SORBS2: variants seen among roughly 807,000 people sequenced by gnomAD.
The protein encoded by SORBS2 is sorbin and SH3 domain containing 2.
Under a neutral mutation model 97.7 loss-of-function variants are expected in SORBS2, and 46 were observed. The observed-to-expected ratio is 0.47, with a 90% CI of 0.37 to 0.60. The LOEUF is 0.60. Ranked by LOEUF, SORBS2 falls within the 20% of genes least tolerant of loss-of-function variation. SORBS2 has a pLI of 0.00. For missense variants in SORBS2, 1,316 were observed against 1,282.3 expected (o/e 1.03, Z -0.40); for synonymous variants, 476 against 473.4 (o/e 1.01, Z -0.07).
intron 1 of SORBS2, among the ~76,000 whole-genome samples, chr4:185,820,245 A>G (rs1454519479): frequency 6.6e-6 from 1 of 152,192 alleles, no homozygotes; most frequent in Non-Finnish European, 1.5e-5. Flanking sequence ...CACTAGTGTC[A>G]TCAGTGGGAA....
chr4:185,751,441 T>G (rs1378841882), intron 2 of SORBS2, among the ~76,000 whole-genome samples: 2 of 152,004 alleles, frequency 1.3e-5, no homozygotes, highest in African/African-American at 2.4e-5. Flanking sequence ...TCTTGGACAT[T>G]TTGCTAAATT....
chr4:185,744,167 G>A (rs1200630570), intron 2 of SORBS2, among the ~76,000 whole-genome samples: 1 of 136,988 alleles, frequency 7.3e-6, no homozygotes, highest in Non-Finnish European at 1.5e-5. Flanking sequence ...TTTGTTATTT[G>A]ATCTCCAATT....
upstream of SORBS2, chr4:185,657,388 C>T (rs200421171): frequency 8.3e-4 from 1,219 of 1,475,718 alleles, 3 homozygotes; most frequent in Non-Finnish European, 9.6e-4. Context: ...AGTCTGTGCA[C>T]AGCCCCAGAC....
At chr4:185,822,481 A>T (rs991920327) in intron 1 of SORBS2, among the ~76,000 whole-genome samples, 1 of 152,252 alleles carries the variant, frequency 6.6e-6, no homozygotes, top group African/African-American at 2.4e-5. Context: ...TTTCACAGAC[A>T]TGCATATGAC....
chr4:185,875,092 T>G (rs561219988), intron 1 of SORBS2, among the ~76,000 whole-genome samples: 5 of 152,142 alleles, frequency 3.3e-5, no homozygotes, highest in African/African-American at 1.2e-4. Context: ...ACTACTTGTT[T>G]TATAGAACAT....
chr4:185,947,122 T>C (rs1367350564), intron 1 of SORBS2, among the ~76,000 whole-genome samples: 1 of 152,222 alleles, frequency 6.6e-6, no homozygotes, highest in East Asian at 1.9e-4. Context: ...CTTTCCCCCT[T>C]TCAGTTTTCT....
chr4:185,883,326 T>C (rs908567423), intron 1 of SORBS2, among the ~76,000 whole-genome samples: 7 of 152,176 alleles, frequency 4.6e-5, no homozygotes, highest in African/African-American at 1.7e-4. Context: ...TAGGAAAATA[T>C]GAATTAAAAC....
chr4:185,908,277 C>CTATATATATA (rs66526913), intron 1 of SORBS2, among the ~76,000 whole-genome samples: 29 of 89,554 alleles, frequency 3.2e-4, no homozygotes, highest in South Asian at 4.3e-4. Flanking sequence ...CATGCAAAGG[C>CTATATATATA]TATATATATA....
intron 1 of SORBS2, among the ~76,000 whole-genome samples, chr4:185,897,210 C>T (rs1445787835): frequency 6.6e-6 from 1 of 152,198 alleles, no homozygotes; most frequent in Non-Finnish European, 1.5e-5. Flanking sequence ...CTAACTTTCG[C>T]TCCGCCTTTC....
intron 1 of SORBS2, among the ~76,000 whole-genome samples, chr4:185,792,677 T>C (rs924183832): frequency 3.3e-5 from 5 of 152,196 alleles, no homozygotes; most frequent in East Asian, 1.9e-4. Context: ...CTCTTTTTAT[T>C]GTCGTGCTAT....
intron 2 of SORBS2, among the ~76,000 whole-genome samples, chr4:185,729,055 A>G (rs746172302): frequency 2.0e-5 from 3 of 152,232 alleles, no homozygotes; most frequent in Admixed American, 6.5e-5. Flanking sequence ...CATAGATGTA[A>G]TGCATTTAGC....
chr4:185,771,370 G>A (rs1019624145), intron 2 of SORBS2: 1 of 152,196 alleles, frequency 6.6e-6, no homozygotes, highest in Non-Finnish European at 1.5e-5. Flanking sequence ...GATATGGTTA[G>A]TGAGAGCTTC....
chr4:185,686,858 GGTA>G (rs1458578774), intron 2 of SORBS2, among the ~76,000 whole-genome samples: 1 of 152,142 alleles, frequency 6.6e-6, no homozygotes, highest in Non-Finnish European at 1.5e-5. Context: ...GGTGTTGGGG[GGTA>G]GTTCCTGTTT....
chr4:185,937,345 A>G (rs540238396), intron 1 of SORBS2, among the ~76,000 whole-genome samples: 1 of 152,316 alleles, frequency 6.6e-6, no homozygotes, highest in South Asian at 2.1e-4. Flanking sequence ...TTACTCTTAC[A>G]GTGAGATAGG....
chr4:185,669,602 T>G (rs1021252256), intron 4 of SORBS2, among the ~76,000 whole-genome samples: 4 of 152,068 alleles, frequency 2.6e-5, no homozygotes, highest in African/African-American at 9.7e-5. Context: ...GTGCAAAACT[T>G]AAAGAGTGAC....
chr4:185,759,389 G>T lies in SORBS2; in HGVS notation c.-198+15838C>A, dbSNP rs960931759. Among the ~76,000 whole-genome samples, 13 of 152,334 alleles carry T rather than the reference G, an allele frequency of 8.5e-5. 1 individual carries two copies. The highest frequency in any genetic ancestry group is 2.6e-4 in the African/African-American group (11 of 41,560). Reference sequence around the variant, plus strand: ...CTCTTTGTACATGTGAGGGTAAGGTGCTCCATTGGATGTATCTTGAAACAG... The same window carrying T: ...CTCTTTGTACATGTGAGGGTAAGGTTCTCCATTGGATGTATCTTGAAACAG... On this transcript the variant is annotated intron_variant, in intron 2 of 20. Transcript: ENST00000284776.
intron 1 of SORBS2, among the ~76,000 whole-genome samples, chr4:185,905,785 T>G (rs930618776): frequency 9.2e-5 from 14 of 152,064 alleles, no homozygotes; most frequent in Admixed American, 3.9e-4. Context: ...TTTGTAGGTG[T>G]GTTTATGAAC....
intron 1 of SORBS2, among the ~76,000 whole-genome samples, chr4:185,899,206 G>A (rs537678169): frequency 6.6e-6 from 1 of 152,222 alleles, no homozygotes; most frequent in South Asian, 2.1e-4. Context: ...AGAAGCACCA[G>A]GTCCGGTCTA....
At chr4:185,937,711 G>A (rs1364924713) in intron 1 of SORBS2, among the ~76,000 whole-genome samples, 2 of 152,056 alleles carry the variant, frequency 1.3e-5, no homozygotes, top group Non-Finnish European at 2.9e-5. Context: ...TGGAAGTGGA[G>A]GGGAGGGGGA....
Sources: gnomAD v4.1 joint callset for allele counts (sites outside exome capture counted in the v4.1 genomes callset) on GRCh38, gnomAD v4.1.1 for gene constraint, MANE v1.5 for transcripts, NCBI Gene and HGNC (gene_info 2026-07-23, HGNC 2026-07-21) for gene names.